BAIAP3: variants seen among roughly 807,000 people sequenced by gnomAD.
BAIAP3 encodes the protein BAI1 associated protein 3, also known as BAI1-associated protein 3.
In BAIAP3, 180 loss-of-function variants were observed where a neutral mutation model predicts 149.7. The observed-to-expected ratio is 1.20, with a 90% CI of 1.07 to 1.36. The LOEUF is 1.36. Among genes scored for constraint, BAIAP3 ranks in the 40% most tolerant of loss-of-function variants. The pLI, the probability that BAIAP3 is intolerant of heterozygous loss-of-function variation, is 0.00. For missense variants in BAIAP3, 1,767 were observed against 1,563.4 expected (o/e 1.13, Z -2.20); for synonymous variants, 845 against 670.7 (o/e 1.26, Z -4.02).
At chr16:1,343,066 G>C in intron 14 of BAIAP3, 50 bp downstream of exon 14, 1 of 1,532,228 alleles carries the variant, frequency 6.5e-7, no homozygotes, top group Non-Finnish European at 8.8e-7. Flanking sequence ...GGGCGTGAGC[G>C]AGTGGGGCAT....
Position 1,343,385 on chromosome 16 carries a change from C to G in BAIAP3, c.1266-8C>G, listed in dbSNP as rs1429778859. 4 of 1,579,562 alleles carry G rather than the reference C, an allele frequency of 2.5e-6. No homozygotes were observed. The highest frequency in any genetic ancestry group is 1.8e-5 in the Admixed American group (1 of 55,306). ...TCATACCCTTTGACCATGGGCCGGG[C>G]CCCACAGGCACTGGCAGGTCAGCAG... On this transcript the variant is annotated splice_region_variant and splice_polypyrimidine_tract_variant and intron_variant, in intron 14 of 33. Coordinates refer to ENST00000426824, the MANE Select transcript of BAIAP3 (RefSeq NM_001199097.2).
Position 1,347,306 on chromosome 16 carries a change from C to A in BAIAP3, c.2760C>A (p.Val920=). The A allele has an allele frequency of 6.2e-7, 1 of 1,613,230 alleles. No individual in the cohort carries two copies. Among genetic ancestry groups the A allele is most frequent in the South Asian group, 1.1e-5 (1 of 90,974 alleles). The change falls in exon 29 of 34, where the codon GTC becomes GTA. Residue 920 remains valine (V), a synonymous_variant. Coordinates refer to ENST00000426824, the MANE Select transcript of BAIAP3 (RefSeq NM_001199097.2). ...SRFHFTLEAL[V]SFFHAEGQGL... The stretch of plus-strand genomic sequence containing the variant: ...TTCTTTCCCTGCCCCAGGCCCTGGT[C>A]AGTTTTTTCCACGCAGAGGGTCAGG...
rs370213618 is a variant in BAIAP3 at position 1,341,386 on chromosome 16, C to T, written c.628C>T (p.Arg210Cys). 92 of 1,612,494 alleles carry T rather than the reference C, an allele frequency of 5.7e-5. No individual in the cohort carries two copies. Among genetic ancestry groups the T allele is most frequent in the Middle Eastern group, 1.6e-4 (1 of 6,080 alleles). ...ACAGAAGGAGCAGCGCTTCGGCTTC[C>T]GCAAGGGCAGCAAGCGCGGTGGACC... is the stretch of plus-strand genomic sequence containing the variant. Reference protein sequence around the residue: ...RAQKEQRFGFRKGSKRGGPLP... With the variant: ...RAQKEQRFGFCKGSKRGGPLP... Residue 210 changes from arginine (R) to cysteine (C), a missense_variant, in exon 8 of 34, where the codon CGC (arginine) becomes TGC (cysteine). Coordinates refer to ENST00000426824, the MANE Select transcript of BAIAP3 (RefSeq NM_001199097.2).
rs372187858 is a variant in BAIAP3 at position 1,347,315 on chromosome 16, C to T, written c.2769C>T (p.Phe923=). The T allele has an allele frequency of 2.5e-6, 4 of 1,613,342 alleles. No individual in the cohort carries two copies. The Admixed American group carries it at 5.0e-5, about 20-fold the overall frequency. Residue 923 remains phenylalanine, a synonymous_variant, in exon 29 of 34, where the codon TTC becomes TTT. Transcript: ENST00000426824. ...TGCCCCAGGCCCTGGTCAGTTTTTTCCACGCAGAGGGTCAGGGTTTGCCCC... is the reference window on the plus strand; with the variant it reads ...TGCCCCAGGCCCTGGTCAGTTTTTTTCACGCAGAGGGTCAGGGTTTGCCCC... The part of the protein sequence containing the change: ...HFTLEALVSF[F]HAEGQGLPLE...
intron 14 of BAIAP3, 57 bp downstream of exon 14, chr16:1,343,073 G>C: frequency 6.7e-7 from 1 of 1,497,634 alleles, no homozygotes; most frequent in African/African-American, 1.4e-5. Flanking sequence ...AGCGAGTGGG[G>C]CATCGGGGGC....
intron 1 of BAIAP3, chr16:1,336,274 C>T: frequency 3.0e-6 from 3 of 985,394 alleles, no homozygotes; most frequent in Non-Finnish European, 3.6e-6. Context: ...GACTCCCAGG[C>T]CCCTGAGGAT....
Position 1,343,110 on chromosome 16 carries a change from G to C in BAIAP3, c.1265+94G>C. The C allele has an allele frequency of 3.1e-6, 4 of 1,289,304 alleles. No individual in the cohort carries two copies. The Middle Eastern group carries it at 7.8e-4, about 252-fold the overall frequency. 79.9% of individuals were successfully genotyped at this position (1,289,304 alleles called of 1,614,324 possible). On this transcript the variant is annotated intron_variant, in intron 14 of 33. Coordinates refer to ENST00000426824, the MANE Select transcript of BAIAP3 (RefSeq NM_001199097.2). ...ATGCGGTGAGTGGATGTCGTGGCTG[G>C]GAGGGTGGGGCAGGGAAAGGGGCGG... is the stretch of plus-strand genomic sequence containing the variant.
chr16:1,345,925 G>A, intron 23 of BAIAP3, 35 bp downstream of exon 23: 1 of 1,581,568 alleles, frequency 6.3e-7, no homozygotes, highest in Non-Finnish European at 8.6e-7. Context: ...AGGGGAACGG[G>A]TGGGAGAGGA....
intron 20 of BAIAP3, 21 bp downstream of exon 20, chr16:1,344,870 C>T (rs772618475): frequency 1.2e-5 from 19 of 1,613,522 alleles, no homozygotes; most frequent in East Asian, 4.5e-5. Context: ...TCCCTGACCC[C>T]GGGTGCCTGC....
rs776012087 is a variant in BAIAP3 at position 1,342,511 on chromosome 16, C to G, written c.958-16C>G. 5.2e-6 allele frequency: 8 copies of G among 1,549,374 alleles called. No homozygotes were observed. The highest frequency in any genetic ancestry group is 7.0e-6 in the Non-Finnish European group (8 of 1,146,374). ...GGGGAGGAGTCTGGTGGGCCTGACC[C>G]CCATGCTACCCCCAGGAGGTGCCTG... is the stretch of plus-strand genomic sequence containing the variant. On this transcript the variant is annotated splice_polypyrimidine_tract_variant and intron_variant, in intron 11 of 33. Transcript: ENST00000426824.
intron 8 of BAIAP3, among the ~76,000 whole-genome samples, 162 bp from the exon 9 acceptor site, chr16:1,341,660 C>T (rs1300315456): frequency 6.6e-6 from 1 of 152,232 alleles, no homozygotes; most frequent in Non-Finnish European, 1.5e-5. Context: ...CCACCGGGGC[C>T]ACACGGCTGG....
At chr16:1,334,990 C>T (rs1197464880) in intron 1 of BAIAP3, among the ~76,000 whole-genome samples, 1 of 152,158 alleles carries the variant, frequency 6.6e-6, no homozygotes, top group Non-Finnish European at 1.5e-5. Flanking sequence ...ACGTTGAAGG[C>T]GTTTGTTCCT....
chr16:1,342,473 T>G, intron 11 of BAIAP3, 54 bp from the exon 12 acceptor site: 2 of 1,482,416 alleles, frequency 1.3e-6, no homozygotes, highest in Non-Finnish European at 1.8e-6. Context: ...ACAGAGTCAG[T>G]GTGGAAGGGG....
rs2033996866 is a variant in BAIAP3 at position 1,342,533 on chromosome 16, C to A, written c.964C>A (p.Pro322Thr). Residue 322 changes from proline to threonine, a missense_variant, in exon 12 of 34, where the codon CCT (proline) becomes ACT (threonine). By Grantham distance (38) the Pro-to-Thr change is conservative. Coordinates refer to ENST00000426824, the MANE Select transcript of BAIAP3 (RefSeq NM_001199097.2). ...GCLNIPVREV[P>T]VAGVDRWFKL... ...ACCCCCATGCTACCCCCAGGAGGTG[C>A]CTGTGGCTGGCGTCGACCGCTGGTT... 4 of 1,552,764 alleles carry A rather than the reference C, an allele frequency of 2.6e-6. No individual in the cohort carries two copies. Among genetic ancestry groups the A allele is most frequent in the Non-Finnish European group, 3.5e-6 (4 of 1,148,406 alleles).
At chr16:1,343,354 C>A in intron 14 of BAIAP3, 39 bp from the exon 15 acceptor site, 1 of 1,564,304 alleles carries the variant, frequency 6.4e-7, no homozygotes, top group Non-Finnish European at 8.7e-7. Flanking sequence ...ATGGCAGGGG[C>A]GGGGTTCATA....
Position 1,342,784 on chromosome 16 carries a change from T to C in BAIAP3, c.1131T>C (p.His377=). 1.2e-6 allele frequency: 2 copies of C among 1,612,676 alleles called. No homozygotes were observed. Among genetic ancestry groups the C allele is most frequent in the Non-Finnish European group, 1.7e-6 (2 of 1,179,982 alleles). The change falls in exon 13 of 34, where the codon CAT becomes CAC. Residue 377 remains histidine, a synonymous_variant. Transcript: ENST00000426824. ...GFLSHLLLLS[H]LLRLEHSAEE... ...TGTCCCACCTGCTGCTGCTCAGCCA[T>C]CTGCTGCGGTTGGAGCACTCAGCAG...
chr16:1,346,100 G>A lies in BAIAP3; in HGVS notation c.2301+22G>A, dbSNP rs370400769. 419 of 1,605,532 alleles carry A rather than the reference G, an allele frequency of 2.6e-4. 1 individual carries two copies. The highest frequency in any genetic ancestry group is 1.7e-4 in the Non-Finnish European group (199 of 1,177,280). On this transcript the variant is annotated intron_variant, in intron 24 of 33. Transcript: ENST00000426824. ...GGCGGTGAGTGACCAGCTGGGGAGG[G>A]GAGCCGGCAGGAGGTGGGGGGCCAT...
intron 2 of BAIAP3, 111 bp downstream of exon 2, chr16:1,338,791 T>C: frequency 6.3e-7 from 1 of 1,579,876 alleles, no homozygotes; most frequent in Non-Finnish European, 8.6e-7. Context: ...GGTCTGCAGT[T>C]AGCTGTGCCA....
intron 1 of BAIAP3, 138 bp from the exon 2 acceptor site, chr16:1,338,402 G>A (rs2033613432): frequency 6.1e-6 from 7 of 1,154,876 alleles, no homozygotes; most frequent in African/African-American, 3.1e-5. Context: ...CAGGTGCCCA[G>A]CGCCATCCAG....
Sources: gnomAD v4.1 joint callset for allele counts (sites outside exome capture counted in the v4.1 genomes callset) on GRCh38, gnomAD v4.1.1 for gene constraint, MANE v1.5 for transcripts, NCBI Gene and HGNC (gene_info 2026-07-23, HGNC 2026-07-21) for gene names.